FGF14: variants seen among roughly 807,000 people sequenced by gnomAD.
FGF14 encodes the protein fibroblast growth factor 14.
Under a neutral mutation model 25.5 loss-of-function variants are expected in FGF14, and 5 were observed. The ratio of observed to expected loss-of-function variants is 0.20; its 90% CI spans 0.10 to 0.41. FGF14 has a LOEUF of 0.41. FGF14 is among the 10% of genes least tolerant of loss of function. The pLI, the probability that FGF14 is intolerant of heterozygous loss-of-function variation, is 1.00. For missense variants in FGF14, 222 were observed against 320.1 expected (o/e 0.69, Z 2.34); for synonymous variants, 138 against 118.3 (o/e 1.17, Z -1.08).
chr13:101,868,425 C>T, intron 3 of FGF14: 1 of 290,890 alleles, frequency 3.4e-6, no homozygotes, highest in South Asian at 3.9e-5. Context: ...ATAAGAAACT[C>T]TCTAAGATAA....
chr13:101,965,260 AAC>A (rs1406533219), intron 1 of FGF14, among the ~76,000 whole-genome samples: 23 of 150,788 alleles, frequency 1.5e-4, no homozygotes, highest in Admixed American at 1.3e-3. Flanking sequence ...AAAAAAAAAA[AAC>A]CTCCTCTTGT....
At chr13:101,861,714 C>A (rs2044426847) in intron 3 of FGF14, among the ~76,000 whole-genome samples, 1 of 152,026 alleles carries the variant, frequency 6.6e-6, no homozygotes, top group Non-Finnish European at 1.5e-5. Flanking sequence ...CCCCTGCCCC[C>A]ACAGCACACA....
At chr13:102,292,722 A>G (rs2054490671) in intron 1 of FGF14, 1 of 152,244 alleles carries the variant, frequency 6.6e-6, no homozygotes, top group Non-Finnish European at 1.5e-5. Context: ...CAGTTTTTAA[A>G]ATATGGAGCC....
rs537588607 is a variant in FGF14 at position 101,718,668 on chromosome 13, T to A, written c.*4163A>T. On this transcript the variant is annotated 3_prime_UTR_variant, in exon 5 of 5. Transcript: ENST00000376143. ...CATTATACCCGTTGTCTTTCTGGGC[T>A]CCTTGAGTTTATCTGGATTCCAACA... The A allele has an allele frequency of 6.6e-6, 1 of 152,054 alleles. No individual in the cohort carries two copies. The highest frequency in any genetic ancestry group is 1.9e-4 in the East Asian group (1 of 5,160). 9.4% of individuals were successfully genotyped at this position (152,054 alleles called of 1,614,324 possible).
Position 101,902,496 on chromosome 13 carries a change from T to A in FGF14, c.193+13957A>T, listed in dbSNP as rs566178900. On this transcript the variant is annotated intron_variant, in intron 1 of 4. Transcript: ENST00000376143. ...ATATGCAGTTTACAGCCCACCCCAT[T>A]TTTCCTCATGAAACAAGATGCTTGC... Among the ~76,000 whole-genome samples the A allele has an allele frequency of 2.0e-5, 3 of 152,244 alleles. No homozygotes were observed. In the East Asian group the frequency reaches 5.8e-4, roughly 29 times the overall value.
intron 4 of FGF14, among the ~76,000 whole-genome samples, chr13:101,723,731 T>G (rs2035161780): frequency 6.6e-6 from 1 of 152,082 alleles, no homozygotes; most frequent in South Asian, 2.1e-4. Flanking sequence ...CTAAATAGTG[T>G]CTGGTGGCAT....
At chr13:101,892,785 T>C (rs1342927188) in intron 1 of FGF14, among the ~76,000 whole-genome samples, 1 of 152,194 alleles carries the variant, frequency 6.6e-6, no homozygotes, top group Non-Finnish European at 1.5e-5. Context: ...TAACCATATC[T>C]GGCCAAATAA....
chr13:102,171,776 G>T (rs566793272), intron 1 of FGF14, among the ~76,000 whole-genome samples: 35 of 152,002 alleles, frequency 2.3e-4, no homozygotes, highest in African/African-American at 8.4e-4. Context: ...TTTTATGAGA[G>T]CTGTTATCCT....
intron 3 of FGF14, among the ~76,000 whole-genome samples, chr13:101,841,604 T>G (rs1334014112): frequency 6.6e-6 from 1 of 151,910 alleles, no homozygotes; most frequent in South Asian, 2.1e-4. Flanking sequence ...GCAAGAAAAG[T>G]GTTCAGAGGT....
chr13:101,864,422 G>C (rs764190344), intron 3 of FGF14, among the ~76,000 whole-genome samples: 2 of 152,098 alleles, frequency 1.3e-5, no homozygotes, highest in African/African-American at 4.8e-5. Flanking sequence ...TTGTGTGATT[G>C]TCCACAGTTG....
intron 1 of FGF14, among the ~76,000 whole-genome samples, chr13:102,106,913 T>C (rs2044951949): frequency 6.6e-6 from 1 of 152,154 alleles, no homozygotes; most frequent in South Asian, 2.1e-4. Context: ...ATGTGGTTTG[T>C]GAGTGAGGAA....
chr13:102,012,255 A>T (rs1390044021), intron 1 of FGF14, among the ~76,000 whole-genome samples: 1 of 152,202 alleles, frequency 6.6e-6, no homozygotes, highest in Admixed American at 6.5e-5. Context: ...TCAGCTACAC[A>T]AGCCATGAAT....
chr13:102,201,095 C>G (rs1409199880), intron 1 of FGF14, among the ~76,000 whole-genome samples: 2 of 90,746 alleles, frequency 2.2e-5, no homozygotes, highest in Non-Finnish European at 3.8e-5. Context: ...AGCGAGACTC[C>G]GTCTCTCAAA....
intron 1 of FGF14, among the ~76,000 whole-genome samples, chr13:102,361,648 G>C (rs942508666): frequency 1.3e-5 from 2 of 152,098 alleles, no homozygotes; most frequent in African/African-American, 4.8e-5. Flanking sequence ...TTGTTCTTCA[G>C]TTCCATGGTT....
At chr13:101,732,172 G>A (rs921442592) in intron 3 of FGF14, among the ~76,000 whole-genome samples, 1 of 152,032 alleles carries the variant, frequency 6.6e-6, no homozygotes, top group African/African-American at 2.4e-5. Flanking sequence ...GTTCTGTTAC[G>A]AGCCCAGGCT....
chr13:102,242,145 T>G (rs1273146183), intron 1 of FGF14, among the ~76,000 whole-genome samples: 2 of 152,118 alleles, frequency 1.3e-5, no homozygotes, highest in Non-Finnish European at 2.9e-5. Context: ...GTAAAATATT[T>G]GTAAACTGTA....
intron 1 of FGF14, among the ~76,000 whole-genome samples, chr13:102,011,732 C>T (rs931865578): frequency 1.1e-4 from 16 of 152,252 alleles, no homozygotes; most frequent in Non-Finnish European, 2.2e-4. Context: ...CACAGAAATG[C>T]GACCACAGAA....
intron 3 of FGF14, among the ~76,000 whole-genome samples, chr13:101,846,418 C>T (rs988477538): frequency 6.6e-6 from 1 of 152,004 alleles, no homozygotes; most frequent in Non-Finnish European, 1.5e-5. Context: ...CAGACATTTT[C>T]CAGTTACATA....
chr13:101,998,891 T>C (rs2039329365), intron 1 of FGF14, among the ~76,000 whole-genome samples: 3 of 152,238 alleles, frequency 2.0e-5, no homozygotes, highest in African/African-American at 4.8e-5. Flanking sequence ...CTAGAGTGTC[T>C]GCTCTACAGT....
Sources: allele counts gnomAD v4.1 joint callset (sites outside exome capture counted in the v4.1 genomes callset), GRCh38; gene constraint gnomAD v4.1.1; transcripts MANE v1.5; gene names NCBI Gene and HGNC (gene_info 2026-07-23, HGNC 2026-07-21).